The following CNTN5 variants were observed in gnomAD, a reference collection of about 807,000 sequenced individuals.
CNTN5 encodes contactin-5.
CNTN5 carries 77 observed loss-of-function variants against 129.1 expected under a neutral mutation model. That is an observed-to-expected ratio of 0.60 (90% CI 0.50 to 0.72). The LOEUF (loss-of-function observed/expected upper bound fraction) is 0.72, where lower values mean the gene tolerates loss of function less well. CNTN5 is among the 30% of genes least tolerant of loss of function. The pLI is 0.00. For missense variants in CNTN5, 1,478 were observed against 1,328.8 expected (o/e 1.11, Z -1.75); for synonymous variants, 509 against 465.6 (o/e 1.09, Z -1.20).
intron 4 of CNTN5, among the ~76,000 whole-genome samples, chr11:99,824,749 T>G (rs1946901856): frequency 6.6e-6 from 1 of 152,002 alleles, no homozygotes; most frequent in Non-Finnish European, 1.5e-5. Flanking sequence ...TTGTATGTAA[T>G]ATGAAGTAAT....
chr11:99,192,228 T>C (rs1858681031), intron 1 of CNTN5, among the ~76,000 whole-genome samples: 1 of 151,716 alleles, frequency 6.6e-6, no homozygotes, highest in Non-Finnish European at 1.5e-5. Context: ...CAAATAATTG[T>C]AAGAGACTAC....
chr11:99,435,642 C>T (rs1440250141), intron 2 of CNTN5, among the ~76,000 whole-genome samples: 1 of 152,162 alleles, frequency 6.6e-6, no homozygotes, highest in African/African-American at 2.4e-5. Context: ...AAGAGGGATA[C>T]ACTAAGTCTT....
chr11:100,072,376 T>A (rs1389661483), intron 12 of CNTN5, among the ~76,000 whole-genome samples: 3 of 152,206 alleles, frequency 2.0e-5, no homozygotes, highest in African/African-American at 7.2e-5. Flanking sequence ...GGTTACACCC[T>A]TGATAAGAAT....
At chr11:100,060,362 A>G (rs1043000146) in intron 9 of CNTN5, among the ~76,000 whole-genome samples, 1 of 133,146 alleles carries the variant, frequency 7.5e-6, no homozygotes, top group African/African-American at 3.0e-5. Flanking sequence ...TGATCATTAA[A>G]TAATAAAATA....
chr11:100,288,165 T>G (rs1214235034), intron 18 of CNTN5, among the ~76,000 whole-genome samples: 2 of 152,108 alleles, frequency 1.3e-5, no homozygotes, highest in South Asian at 2.1e-4. Context: ...AATGGGAGAC[T>G]TTAACAACCC....
chr11:99,898,360 T>C (rs954664907), intron 6 of CNTN5, among the ~76,000 whole-genome samples: 1 of 151,896 alleles, frequency 6.6e-6, no homozygotes. Context: ...ATAAGTACAA[T>C]TGGAAATGAT....
chr11:99,180,708 A>G (rs145196867), intron 1 of CNTN5, among the ~76,000 whole-genome samples: 1,941 of 152,240 alleles, frequency 0.013, 29 homozygotes, highest in African/African-American at 0.043. Context: ...CTGATACTCA[A>G]TTGTAGGAAA....
chr11:99,820,492 A>G (rs1282630899), intron 4 of CNTN5, among the ~76,000 whole-genome samples: 1 of 152,304 alleles, frequency 6.6e-6, no homozygotes, highest in Non-Finnish European at 1.5e-5. Flanking sequence ...CTCTACAGCT[A>G]TTGGCTTTAT....
chr11:99,912,872 A>G (rs531621215), intron 6 of CNTN5, among the ~76,000 whole-genome samples: 1 of 152,014 alleles, frequency 6.6e-6, no homozygotes, highest in Non-Finnish European at 1.5e-5. Context: ...TAAGTCCAGA[A>G]AGATATTTAT....
chr11:99,262,770 T>C (rs1862702253), intron 1 of CNTN5, among the ~76,000 whole-genome samples: 1 of 152,044 alleles, frequency 6.6e-6, no homozygotes, highest in Non-Finnish European at 1.5e-5. Flanking sequence ...TTAAATTGAA[T>C]TCTTTTATTT....
chr11:99,394,457 AG>A (rs1253238537), intron 2 of CNTN5, among the ~76,000 whole-genome samples: 1 of 151,608 alleles, frequency 6.6e-6, no homozygotes, highest in Non-Finnish European at 1.5e-5. Flanking sequence ...CTTTCATTTC[AG>A]AATCAACTTA....
rs545894777 is a variant in CNTN5 at position 100,165,052 on chromosome 11, G to A, written c.1581-26074G>A. Among the ~76,000 whole-genome samples the A allele has an allele frequency of 2.0e-3, 299 of 151,820 alleles. 1 individual carries two copies. Among genetic ancestry groups the A allele is most frequent in the African/African-American group, 6.8e-3 (282 of 41,478 alleles). On this transcript the variant is annotated intron_variant, in intron 13 of 24. Coordinates refer to ENST00000524871, the MANE Select transcript of CNTN5 (RefSeq NM_014361.4). ...GCTAAGGAGTTGTCTGTTGAAAGCC[G>A]GAGTGCATCAAAGTGAATGGGAGGT...
intron 6 of CNTN5, among the ~76,000 whole-genome samples, chr11:99,910,535 G>A (rs925720115): frequency 5.9e-5 from 9 of 151,984 alleles, no homozygotes; most frequent in African/African-American, 2.2e-4. Context: ...CCTAAAATTA[G>A]TGTGGTTTAA....
rs528120126 is a variant in CNTN5 at position 99,315,564 on chromosome 11, A to G, written c.-209-9782A>G. On this transcript the variant is annotated intron_variant, in intron 1 of 24. Coordinates refer to ENST00000524871, the MANE Select transcript of CNTN5 (RefSeq NM_014361.4). ...AGATGGAAATAGTTGGGATAAAAAA[A>G]TAAGTAATTGACAAGGAACATTACT... Among the ~76,000 whole-genome samples, 75 of 149,846 alleles carry G rather than the reference A, an allele frequency of 5.0e-4. 10 individuals carry two copies. The highest frequency in any genetic ancestry group is 2.2e-4 in the Non-Finnish European group (15 of 66,750).
chr11:99,938,311 T>G (rs1396419770), intron 7 of CNTN5, among the ~76,000 whole-genome samples: 1 of 152,192 alleles, frequency 6.6e-6, no homozygotes, highest in East Asian at 1.9e-4. Flanking sequence ...TTCGTTTCAA[T>G]AGAATAAAAT....
intron 13 of CNTN5, among the ~76,000 whole-genome samples, chr11:100,088,961 A>T (rs961156192): frequency 1.1e-4 from 16 of 152,100 alleles, no homozygotes; most frequent in Non-Finnish European, 2.2e-4. Flanking sequence ...AATATCCCCA[A>T]TTAAAAAAAC....
chr11:99,052,158 G>A (rs953356398), intron 1 of CNTN5, among the ~76,000 whole-genome samples: 1 of 151,764 alleles, frequency 6.6e-6, no homozygotes, highest in Non-Finnish European at 1.5e-5. Flanking sequence ...GATATTGTAT[G>A]CATGTTACAT....
At chr11:99,793,757 A>G (rs998094416) in intron 3 of CNTN5, among the ~76,000 whole-genome samples, 3 of 152,102 alleles carry the variant, frequency 2.0e-5, no homozygotes, top group East Asian at 1.9e-4. Context: ...ATTGATTTCT[A>G]TTTTTATTTA....
At chr11:99,955,635 C>A (rs192722311) in intron 7 of CNTN5, among the ~76,000 whole-genome samples, 1 of 152,202 alleles carries the variant, frequency 6.6e-6, no homozygotes, top group East Asian at 1.9e-4. Context: ...CCTCGGCTCA[C>A]TGCAAGCTCC....
Sources: gnomAD v4.1 joint callset for allele counts (sites outside exome capture counted in the v4.1 genomes callset) on GRCh38, gnomAD v4.1.1 for gene constraint, MANE v1.5 for transcripts, NCBI Gene and HGNC (gene_info 2026-07-23, HGNC 2026-07-21) for gene names.